The following ATG7 variants were observed in gnomAD, a reference collection of about 807,000 sequenced individuals.
ATG7 encodes the protein autophagy related 7.
ATG7 carries 70 observed loss-of-function variants against 82.4 expected under a neutral mutation model. The ratio of observed to expected loss-of-function variants is 0.85; its 90% CI spans 0.70 to 1.04. The LOEUF (loss-of-function observed/expected upper bound fraction) is 1.04. Ranked by LOEUF, ATG7 falls within the 50% of genes least tolerant of loss-of-function variation. ATG7 has a pLI of 0.00. For missense variants in ATG7, 792 were observed against 864.3 expected (o/e 0.92, Z 1.05); for synonymous variants, 287 against 313.0 (o/e 0.92, Z 0.88).
intron 12 of ATG7, among the ~76,000 whole-genome samples, chr3:11,341,280 T>C (rs1953564756): frequency 6.6e-6 from 1 of 152,066 alleles, no homozygotes; most frequent in South Asian, 2.1e-4. Context: ...CAGGCTGGAC[T>C]CGAACTCCTG....
intron 14 of ATG7, 98 bp downstream of exon 14, chr3:11,348,133 C>T: frequency 1.4e-6 from 2 of 1,456,464 alleles, no homozygotes; most frequent in Non-Finnish European, 1.8e-6. Flanking sequence ...AGTCAGATAT[C>T]TGTCACTTTC....
At chr3:11,558,526 A>T, downstream of ATG7, 5 of 1,555,682 alleles carry the variant, frequency 3.2e-6, no homozygotes, top group Non-Finnish European at 4.3e-6. Flanking sequence ...AACCATGCAG[A>T]TCCACGTGTT....
intron 20 of ATG7, among the ~76,000 whole-genome samples, chr3:11,546,162 ATTTTTT>A (rs36042370): frequency 2.3e-4 from 16 of 68,892 alleles, no homozygotes; most frequent in Admixed American, 7.2e-4. Flanking sequence ...CCAAAACTGG[ATTTTTT>A]TTTTTTTTTT....
chr3:11,429,905 G>A (rs1001616998), intron 20 of ATG7, among the ~76,000 whole-genome samples: 3 of 140,238 alleles, frequency 2.1e-5, no homozygotes, highest in African/African-American at 8.0e-5. Flanking sequence ...GAAATCGCGC[G>A]ACTGAATTCC....
intron 20 of ATG7, among the ~76,000 whole-genome samples, chr3:11,503,841 A>C (rs2091522280): frequency 6.6e-6 from 1 of 151,874 alleles, no homozygotes; most frequent in Non-Finnish European, 1.5e-5. Context: ...TAGAAGGATT[A>C]GACAGTGAAA....
At chr3:11,554,207 A>C (rs1484702567) in intron 20 of ATG7, among the ~76,000 whole-genome samples, 1 of 152,124 alleles carries the variant, frequency 6.6e-6, no homozygotes, top group Non-Finnish European at 1.5e-5. Flanking sequence ...GAGGACACGC[A>C]TTGAGGGACT....
intron 8 of ATG7, among the ~76,000 whole-genome samples, chr3:11,315,065 C>T (rs1949205252): frequency 6.6e-6 from 1 of 152,132 alleles, no homozygotes; most frequent in Non-Finnish European, 1.5e-5. Context: ...TGTTTCGTTA[C>T]CGCTCTAAAA....
chr3:11,299,287 T>C, intron 4 of ATG7, 75 bp from the exon 5 acceptor site: 11 of 1,438,072 alleles, frequency 7.6e-6, no homozygotes, highest in Non-Finnish European at 1.1e-5. Flanking sequence ...AGAAGAAAAC[T>C]ATTCATAAGC....
intron 20 of ATG7, among the ~76,000 whole-genome samples, chr3:11,482,608 A>G (rs1056175965): frequency 6.6e-5 from 10 of 152,114 alleles, no homozygotes; most frequent in Admixed American, 4.6e-4. Flanking sequence ...TTGAAAGACT[A>G]GAGTACTTTG....
intron 15 of ATG7, 98 bp from the exon 16 acceptor site, chr3:11,360,483 A>G (rs921275756): frequency 2.0e-5 from 25 of 1,280,704 alleles, no homozygotes; most frequent in Admixed American, 1.6e-4. Context: ...CTTACATGCA[A>G]AAAATAAATT....
intron 18 of ATG7, among the ~76,000 whole-genome samples, chr3:11,373,357 C>T: frequency 6.6e-6 from 1 of 152,184 alleles, no homozygotes; most frequent in South Asian, 2.1e-4. Context: ...TTGCTAAGTG[C>T]TTCCATCCGT....
intron 20 of ATG7, among the ~76,000 whole-genome samples, chr3:11,465,135 C>CT (rs1220477141): frequency 1.3e-5 from 2 of 150,448 alleles, no homozygotes; most frequent in Admixed American, 6.6e-5. Flanking sequence ...CCAGAGAGTT[C>CT]TAGAGCTGAG....
intron 7 of ATG7, among the ~76,000 whole-genome samples, chr3:11,311,215 G>C (rs1386374654): frequency 1.3e-5 from 2 of 152,118 alleles, no homozygotes; most frequent in Non-Finnish European, 2.9e-5. Flanking sequence ...AGGACTTTAT[G>C]TTTAATTTAA....
intron 1 of ATG7, among the ~76,000 whole-genome samples, chr3:11,280,261 A>G (rs1022316108): frequency 6.6e-6 from 1 of 152,028 alleles, no homozygotes; most frequent in East Asian, 1.9e-4. Context: ...TTGGCCGGGC[A>G]TGTTATTGGT....
chr3:11,295,883 G>A lies in ATG7; in HGVS notation c.-10-2803G>A, dbSNP rs576089070. On this transcript the variant is annotated intron_variant, in intron 3 of 20. Coordinates refer to ENST00000693202, the MANE Select transcript of ATG7 (RefSeq NM_001349232.2). ...TTCACTGCAACCTCTGTCTCCTGCA[G>A]TTCTCCTGCCTCAGCCTCCCAAGTA... Among the ~76,000 whole-genome samples the A allele has an allele frequency of 1.4e-4, 21 of 150,940 alleles. No individual in the cohort carries two copies. The South Asian group carries it at 3.6e-3, about 26-fold the overall frequency.
At chr3:11,373,361 C>A (rs1339086226) in intron 18 of ATG7, among the ~76,000 whole-genome samples, 4 of 152,150 alleles carry the variant, frequency 2.6e-5, no homozygotes, top group African/African-American at 9.7e-5. Flanking sequence ...TAAGTGCTTC[C>A]ATCCGTTTTC....
At position 11,310,695 on chromosome 3, in the gene ATG7, C is replaced by T. The variant is rs190980516; in HGVS notation, c.411+1634C>T. 7.5e-4 allele frequency among the ~76,000 whole-genome samples: 112 copies of T among 149,732 alleles called. 1 individual carries two copies. The highest frequency in any genetic ancestry group is 6.3e-3 in the Admixed American group (94 of 14,992). ...TCACCCAGGCTGGAGTGCAATGGTG[C>T]GATGTCGGCTCACTGCAAGCTCTGC... On this transcript the variant is annotated intron_variant, in intron 7 of 20. Coordinates refer to ENST00000693202, the MANE Select transcript of ATG7 (RefSeq NM_001349232.2).
chr3:11,373,686 T>G (rs4273358), intron 18 of ATG7, among the ~76,000 whole-genome samples: 78,256 of 152,086 alleles, frequency 0.51, 21,031 homozygotes, highest in East Asian at 0.69. Flanking sequence ...CTTTGGGAGT[T>G]GCGGCCTGGC....
At chr3:11,515,434 G>C (rs112380085) in intron 20 of ATG7, among the ~76,000 whole-genome samples, 15 of 152,338 alleles carry the variant, frequency 9.8e-5, no homozygotes, top group African/African-American at 3.4e-4. Context: ...CACCTGAGTA[G>C]CTGGGATTAC....
Sources: allele counts gnomAD v4.1 joint callset (sites outside exome capture counted in the v4.1 genomes callset), GRCh38; gene constraint gnomAD v4.1.1; transcripts MANE v1.5; gene names NCBI Gene and HGNC (gene_info 2026-07-23, HGNC 2026-07-21).